SP100: variants seen among roughly 807,000 people sequenced by gnomAD.
SP100 encodes the protein nuclear autoantigen Sp-100.
A neutral mutation model predicts 130.0 loss-of-function variants in SP100; 84 were observed. That is an observed-to-expected ratio of 0.65 (90% confidence interval 0.54 to 0.77). The LOEUF (loss-of-function observed/expected upper bound fraction) is 0.77, where lower values mean the gene tolerates loss of function less well. SP100 is among the 30% of genes least tolerant of loss of function. SP100 has a pLI of 0.00. For synonymous variants in SP100, 331 were observed against 351.7 expected (o/e 0.94, Z 0.66); for missense variants, 978 against 1,052.2 (o/e 0.93, Z 0.97).
At position 230,449,644 on chromosome 2, in the gene SP100, G is replaced by A. The variant is rs776609693; in HGVS notation, c.670G>A (p.Asp224Asn). The A allele has an allele frequency of 3.1e-6, 5 of 1,614,012 alleles. No individual in the cohort carries two copies. Among genetic ancestry groups the A allele is most frequent in the Non-Finnish European group, 4.2e-6 (5 of 1,180,006 alleles). The change falls in exon 7 of 29, where the codon GAC becomes AAC. Residue 224 changes from aspartate to asparagine, a missense_variant. Transcript: ENST00000340126. The stretch of plus-strand genomic sequence containing the variant: ...TGCAAAGAGAAAAGATACAACCAGT[G>A]ACAAAGATGATTCGCTAGGAAGCCA... ...INAKRKDTTS[D>N]KDDSLGSQQT...
intron 2 of SP100, among the ~76,000 whole-genome samples, chr2:230,428,498 G>T (rs562829173): frequency 6.6e-6 from 1 of 151,150 alleles, no homozygotes; most frequent in Admixed American, 6.6e-5. Flanking sequence ...GCTGGAGTGC[G>T]GTGGCGCGAT....
chr2:230,444,147 T>A lies in SP100; in HGVS notation c.271-31T>A, dbSNP rs776968698. ...CTCTTCTGTGACTTGGAAGTCTTTA[T>A]TTATATTTTCTCCATTCAATATTTT... On this transcript the variant is annotated intron_variant, in intron 3 of 28. Transcript: ENST00000340126. 2.0e-6 allele frequency: 3 copies of A among 1,479,302 alleles called. No individual in the cohort carries two copies. In the South Asian group the frequency reaches 3.8e-5, roughly 19 times the overall value. The allele number at this position is 1,479,302 out of a possible 1,614,324, so 91.6% of individuals were successfully genotyped here.
Position 230,444,396 on chromosome 2 carries a change from A to C in SP100, c.439+50A>C, listed in dbSNP as rs777860196. Reference sequence around the variant, plus strand: ...TTTATTTCCAGGGCCAAGTTTTTTCAATAAGTATATACTGATCTCCTACCA... The same window carrying C: ...TTTATTTCCAGGGCCAAGTTTTTTCCATAAGTATATACTGATCTCCTACCA... On this transcript the variant is annotated intron_variant, in intron 4 of 28. Coordinates refer to ENST00000340126, the MANE Select transcript of SP100 (RefSeq NM_001080391.2). 7.6e-6 allele frequency: 11 copies of C among 1,453,430 alleles called. No homozygotes were observed. The Admixed American group carries it at 1.7e-4, about 23-fold the overall frequency. 90.0% of individuals were successfully genotyped at this position (1,453,430 alleles called of 1,614,324 possible). A position where few individuals can be genotyped will look rare whatever the true frequency, so the allele number is the denominator to read the frequency against.
chr2:230,507,731 T>G (rs747157655), intron 22 of SP100, among the ~76,000 whole-genome samples: 2 of 152,134 alleles, frequency 1.3e-5, no homozygotes, highest in Non-Finnish European at 2.9e-5. Flanking sequence ...GCAAATCTGC[T>G]CCACAATGTG....
At chr2:230,426,236 T>G (rs946966669) in intron 2 of SP100, among the ~76,000 whole-genome samples, 1 of 152,196 alleles carries the variant, frequency 6.6e-6, no homozygotes, top group Non-Finnish European at 1.5e-5. Context: ...TGTTTTCCTA[T>G]TACCTATTTA....
intron 21 of SP100, 57 bp from the exon 22 acceptor site, chr2:230,506,246 G>C: frequency 3.1e-6 from 5 of 1,597,778 alleles, no homozygotes; most frequent in Non-Finnish European, 4.3e-6. Context: ...AGCATGGGGG[G>C]AGGCCAAGTT....
rs1420461404 is a variant in SP100 at position 230,545,306 on chromosome 2, T to C, written c.*2360T>C. On this transcript the variant is annotated 3_prime_UTR_variant, in exon 29 of 29. Coordinates refer to ENST00000340126, the MANE Select transcript of SP100 (RefSeq NM_001080391.2). ...ACATGGATAGAGCTGGAGGCTATTATCCTTAGCAAACTAATTCAGGAACAG... is the reference window on the plus strand; with the variant it reads ...ACATGGATAGAGCTGGAGGCTATTACCCTTAGCAAACTAATTCAGGAACAG... Among the ~76,000 whole-genome samples, 1 of 152,222 alleles carries C rather than the reference T, an allele frequency of 6.6e-6. No individual in the cohort carries two copies. Among genetic ancestry groups the C allele is most frequent in the Non-Finnish European group, 1.5e-5 (1 of 68,038 alleles).
At chr2:230,458,374 CATT>C in intron 8 of SP100, among the ~76,000 whole-genome samples, 1 of 152,142 alleles carries the variant, frequency 6.6e-6, no homozygotes, top group Non-Finnish European at 1.5e-5. Flanking sequence ...TCATCCTCAT[CATT>C]GAGTAGTTTG....
At chr2:230,430,593 G>A (rs1483287019) in intron 2 of SP100, among the ~76,000 whole-genome samples, 1 of 152,238 alleles carries the variant, frequency 6.6e-6, no homozygotes, top group Non-Finnish European at 1.5e-5. Context: ...TCCCTGTTCA[G>A]GCAAAGCTGC....
At chr2:230,493,447 G>A (rs1575735998) in intron 17 of SP100, among the ~76,000 whole-genome samples, 1 of 151,974 alleles carries the variant, frequency 6.6e-6, no homozygotes, top group South Asian at 2.1e-4. Flanking sequence ...AAACTCCTGA[G>A]CTCAGGTGAT....
chr2:230,525,613 C>A (rs1691384100), intron 24 of SP100, among the ~76,000 whole-genome samples: 1 of 152,106 alleles, frequency 6.6e-6, no homozygotes, highest in Non-Finnish European at 1.5e-5. Flanking sequence ...CAGGGCATCA[C>A]CTCACCCAGG....
At chr2:230,537,073 C>A (rs959745357) in intron 24 of SP100, among the ~76,000 whole-genome samples, 2 of 152,164 alleles carry the variant, frequency 1.3e-5, no homozygotes, top group African/African-American at 4.8e-5. Flanking sequence ...GCCTGGGCAA[C>A]ATGGCAAAAC....
chr2:230,474,248 G>A (rs377459898), intron 16 of SP100, 146 bp from the exon 17 acceptor site: 7 of 574,012 alleles, frequency 1.2e-5, no homozygotes, highest in African/African-American at 9.9e-5. Context: ...TCAATTCAGT[G>A]TCTGTTTCCT....
chr2:230,467,722 A>G (rs2065035288), intron 13 of SP100, among the ~76,000 whole-genome samples: 1 of 152,340 alleles, frequency 6.6e-6, no homozygotes, highest in Admixed American at 6.5e-5. Flanking sequence ...GGCCCCTCCC[A>G]CAACACATGG....
Position 230,444,177 on chromosome 2 carries a change from G to A in SP100, c.271-1G>A, listed in dbSNP as rs2063588330. 1 of 1,557,502 alleles carries A rather than the reference G, an allele frequency of 6.4e-7. No individual in the cohort carries two copies. Among genetic ancestry groups the A allele is most frequent in the Admixed American group, 2.1e-5 (1 of 48,330 alleles). On this transcript the variant is annotated splice_acceptor_variant, in intron 3 of 28. Coordinates refer to ENST00000340126, the MANE Select transcript of SP100 (RefSeq NM_001080391.2). LOFTEE classifies it high-confidence loss of function. ...ATTTTCTCCATTCAATATTTTTTAA[G>A]GATTCTCAAGATTCTTGTAGAAACC... is the stretch of plus-strand genomic sequence containing the variant.
Position 230,541,441 on chromosome 2 carries a change from C to T in SP100, c.2403+69C>T, listed in dbSNP as rs186757421. The T allele has an allele frequency of 1.3e-3, 1,727 of 1,332,794 alleles. 3 individuals carry two copies. The highest frequency in any genetic ancestry group is 1.7e-3 in the Non-Finnish European group (1,578 of 930,342). 82.6% of individuals were successfully genotyped at this position (1,332,794 alleles called of 1,614,324 possible). Reference sequence around the variant, plus strand: ...AATCTGTGATCTGAATCCCATGGCACAAGGTGCCATTCTATTTGGCTTGTT... The same window carrying T: ...AATCTGTGATCTGAATCCCATGGCATAAGGTGCCATTCTATTTGGCTTGTT... On this transcript the variant is annotated intron_variant, in intron 27 of 28. Coordinates refer to ENST00000340126, the MANE Select transcript of SP100 (RefSeq NM_001080391.2).
chr2:230,425,734 A>G (rs2062909614), intron 2 of SP100, among the ~76,000 whole-genome samples: 1 of 151,780 alleles, frequency 6.6e-6, no homozygotes, highest in South Asian at 2.1e-4. Context: ...TTCTTGTAGT[A>G]TACTAATCTG....
At chr2:230,533,033 G>A (rs751146529) in intron 24 of SP100, among the ~76,000 whole-genome samples, 4 of 152,228 alleles carry the variant, frequency 2.6e-5, no homozygotes, top group African/African-American at 4.8e-5. Flanking sequence ...CACCTGCCCC[G>A]GCCTCCCAAA....
chr2:230,443,165 C>T (rs566644487), intron 3 of SP100, 66 bp downstream of exon 3: 1 of 1,514,544 alleles, frequency 6.6e-7, no homozygotes, highest in African/African-American at 1.4e-5. Context: ...CTTTGATATC[C>T]TAGACCAAAA....
Sources: gnomAD v4.1 joint callset for allele counts (sites outside exome capture counted in the v4.1 genomes callset) on GRCh38, gnomAD v4.1.1 for gene constraint, MANE v1.5 for transcripts, NCBI Gene and HGNC (gene_info 2026-07-23, HGNC 2026-07-21) for gene names.